C5AR1: variants seen among roughly 807,000 people sequenced by gnomAD.
The protein encoded by C5AR1 is complement C5a receptor 1, also known as C5a anaphylatoxin chemotactic receptor 1.
Under a neutral mutation model 2.4 loss-of-function variants are expected in C5AR1, and 4 were observed. The ratio of observed to expected loss-of-function variants is 1.65; its 90% CI spans 0.81 to 3.77. The LOEUF is 3.77. Ranked by LOEUF, C5AR1 falls within the 30% of genes most tolerant of loss-of-function variation. The probability of loss-of-function intolerance (pLI) is 0.01; values close to 1 mark genes in which losing one functional copy is unlikely to be tolerated. For missense variants in C5AR1, 418 were observed against 462.5 expected (o/e 0.90, Z 0.88); for synonymous variants, 209 against 210.4 (o/e 0.99, Z 0.06).
At chr19:47,319,126 C>T (rs1163284767) in intron 1 of C5AR1, among the ~76,000 whole-genome samples, 1 of 151,264 alleles carries the variant, frequency 6.6e-6, no homozygotes, top group East Asian at 2.0e-4. Context: ...CCTCGTGATC[C>T]ACCCACCTCG....
In C5AR1 at chr19:47,320,892, T is replaced by C; in HGVS notation, c.*62T>C. On this transcript the variant is annotated 3_prime_UTR_variant, in exon 2 of 2. Coordinates refer to ENST00000355085, the MANE Select transcript of C5AR1 (RefSeq NM_001736.4). The surrounding 1 kb of genome is among the most constrained non-coding windows in gnomAD (Gnocchi z 4.9). Reference sequence around the variant, plus strand: ...CTTCCTTCCCGGCCATTCTCCCTCTTGTTTTCACTTCACTTTTCGTGGGAT... The same window carrying C: ...CTTCCTTCCCGGCCATTCTCCCTCTCGTTTTCACTTCACTTTTCGTGGGAT... 2 of 1,438,612 alleles carry C rather than the reference T, an allele frequency of 1.4e-6. No individual in the cohort carries two copies. The highest frequency in any genetic ancestry group is 2.8e-5 in the African/African-American group (2 of 70,526). The allele number at this position is 1,438,612 out of a possible 1,614,324, so 89.1% of individuals were successfully genotyped here.
intron 1 of C5AR1, among the ~76,000 whole-genome samples, chr19:47,316,988 T>C (rs1053203062): frequency 7.1e-6 from 1 of 141,826 alleles, no homozygotes; most frequent in African/African-American, 2.6e-5. Context: ...GACCAGCCTG[T>C]GCAACAAAGC....
Position 47,319,894 on chromosome 19 carries a change from G to A in C5AR1, c.117G>A (p.Leu39=), listed in dbSNP as rs1224947510. 6.2e-7 allele frequency: 1 copy of A among 1,614,236 alleles called. No individual in the cohort carries two copies. The highest frequency in any genetic ancestry group is 8.5e-7 in the Non-Finnish European group (1 of 1,180,032). Residue 39 remains leucine, a synonymous_variant, in exon 2 of 2, where the codon CTG becomes CTA. Transcript: ENST00000355085. The part of the protein sequence containing the change: ...TSNTLRVPDI[L]ALVIFAVVFL... ...ACACGCTGCGTGTTCCAGACATCCT[G>A]GCCTTGGTCATCTTTGCAGTCGTCT...
At chr19:47,309,701 G>C (rs2059264041), upstream of C5AR1, among the ~76,000 whole-genome samples, 1 of 152,176 alleles carries the variant, frequency 6.6e-6, no homozygotes, top group Non-Finnish European at 1.5e-5. Context: ...CTCTGCCTGG[G>C]AGGAGGTGGT....
At chr19:47,317,764 C>T (rs534512519) in intron 1 of C5AR1, among the ~76,000 whole-genome samples, 35 of 151,684 alleles carry the variant, frequency 2.3e-4, no homozygotes, top group African/African-American at 8.0e-4. Flanking sequence ...AGGCAGATCA[C>T]GAGGTCAGGA....
rs1290686748 is a variant in C5AR1, at chr19:47,320,265, T to C, written c.488T>C (p.Leu163Ser). Residue 163 changes from leucine to serine, a missense_variant, in exon 2 of 2, where the codon TTA becomes TCA. Leu to Ser is a moderately radical substitution (Grantham distance 145, BLOSUM62 -2). Coordinates refer to ENST00000355085, the MANE Select transcript of C5AR1 (RefSeq NM_001736.4). The surrounding 1 kb of genome is among the most constrained non-coding windows in gnomAD (Gnocchi z 4.9). The part of the protein sequence containing the change: ...AWIACAVAWG[L>S]ALLLTIPSFL... ...ATCGCCTGTGCCGTGGCTTGGGGTT[T>C]AGCCCTGCTGCTGACCATACCCTCC... 4 of 1,613,596 alleles carry C rather than the reference T, an allele frequency of 2.5e-6. 1 individual carries two copies. In the Admixed American group the frequency reaches 6.7e-5, roughly 27 times the overall value.
chr19:47,309,175 G>A (rs1322151695), upstream of C5AR1, among the ~76,000 whole-genome samples: 2 of 152,196 alleles, frequency 1.3e-5, no homozygotes, highest in East Asian at 1.9e-4. Flanking sequence ...CCGGGAGGCT[G>A]AGTGGAGGTT....
chr19:47,321,913 C>G lies in C5AR1; in HGVS notation c.*1083C>G, dbSNP rs955939576. On this transcript the variant is annotated 3_prime_UTR_variant, in exon 2 of 2. Transcript: ENST00000355085. Reference sequence around the variant, plus strand: ...CCACCCCCACACCCCAGCCGTGTCCCTAACCCCTGGCAACCAGGAATCCAC... The same window carrying G: ...CCACCCCCACACCCCAGCCGTGTCCGTAACCCCTGGCAACCAGGAATCCAC... The G allele has an allele frequency of 2.0e-5, 3 of 152,102 alleles. No homozygotes were observed. The highest frequency in any genetic ancestry group is 7.2e-5 in the African/African-American group (3 of 41,400). 9.4% of individuals were successfully genotyped at this position (152,102 alleles called of 1,614,324 possible). A position where few individuals can be genotyped will look rare whatever the true frequency, so the allele number is the denominator to read the frequency against.
intron 1 of C5AR1, among the ~76,000 whole-genome samples, chr19:47,315,583 G>A (rs559820771): frequency 1.3e-5 from 2 of 152,268 alleles, no homozygotes; most frequent in Admixed American, 6.5e-5. Flanking sequence ...ATGCGTCACA[G>A]CCAAAGGGAA....
At chr19:47,310,481 C>T (rs2059266391) in intron 1 of C5AR1, among the ~76,000 whole-genome samples, 1 of 152,120 alleles carries the variant, frequency 6.6e-6, no homozygotes, top group Non-Finnish European at 1.5e-5. Flanking sequence ...CTCAGATGCT[C>T]TTGCAGATAG....
chr19:47,320,699 C>G lies in C5AR1; in HGVS notation c.922C>G (p.Gln308Glu). 2 of 1,614,180 alleles carry G rather than the reference C, an allele frequency of 1.2e-6. No homozygotes were observed. Among genetic ancestry groups the G allele is most frequent in the Non-Finnish European group, 1.7e-6 (2 of 1,180,038 alleles). ...IIYVVAGQGFQGRLRKSLPSL... is the reference protein window; with the variant it reads ...IIYVVAGQGFEGRLRKSLPSL... Reference sequence around the variant, plus strand: ...CTACGTGGTGGCCGGCCAGGGCTTCCAGGGCCGACTGCGGAAATCCCTCCC... The same window carrying G: ...CTACGTGGTGGCCGGCCAGGGCTTCGAGGGCCGACTGCGGAAATCCCTCCC... The change falls in exon 2 of 2, where the codon CAG (glutamine) becomes GAG (glutamate). Residue 308 changes from glutamine (Q) to glutamate (E), a missense_variant. Transcript: ENST00000355085. This position sits in a 1 kb window ranked among gnomAD's most constrained non-coding sequence, Gnocchi z 4.9.
rs761345278 is a variant in C5AR1 at position 47,320,266 on chromosome 19, A to G, written c.489A>G (p.Leu163=). The G allele has an allele frequency of 1.2e-6, 2 of 1,613,504 alleles. No individual in the cohort carries two copies. Among genetic ancestry groups the G allele is most frequent in the African/African-American group, 1.3e-5 (1 of 74,918 alleles). The change falls in exon 2 of 2, where the codon TTA becomes TTG. Residue 163 remains leucine (L), a synonymous_variant. Transcript: ENST00000355085. This position sits in a 1 kb window ranked among gnomAD's most constrained non-coding sequence, Gnocchi z 4.9. ...TCGCCTGTGCCGTGGCTTGGGGTTTAGCCCTGCTGCTGACCATACCCTCCT... is the reference window on the plus strand; with the variant it reads ...TCGCCTGTGCCGTGGCTTGGGGTTTGGCCCTGCTGCTGACCATACCCTCCT... ...AWIACAVAWG[L]ALLLTIPSFL...
chr19:47,311,665 A>G (rs2059271157), intron 1 of C5AR1, among the ~76,000 whole-genome samples: 1 of 152,086 alleles, frequency 6.6e-6, no homozygotes, highest in Non-Finnish European at 1.5e-5. Flanking sequence ...CGCGGCTTCA[A>G]GCAATTCTCC....
In C5AR1 at chr19:47,320,687, G is replaced by A. The variant is rs201031420; in HGVS notation, c.910G>A (p.Gly304Ser). The stretch of plus-strand genomic sequence containing the variant: ...CAACCCCATCATCTACGTGGTGGCC[G>A]GCCAGGGCTTCCAGGGCCGACTGCG... ...CINPIIYVVA[G>S]QGFQGRLRKS... Residue 304 changes from glycine to serine, a missense_variant, in exon 2 of 2, where the codon GGC becomes AGC. Coordinates refer to ENST00000355085, the MANE Select transcript of C5AR1 (RefSeq NM_001736.4). This position sits in a 1 kb window ranked among gnomAD's most constrained non-coding sequence, Gnocchi z 4.9. 3.5e-5 allele frequency: 57 copies of A among 1,614,044 alleles called. No homozygotes were observed. The highest frequency in any genetic ancestry group is 1.0e-5 in the Non-Finnish European group (12 of 1,180,020).
chr19:47,309,815 C>A (rs2059264303), upstream of C5AR1: 3 of 1,472,834 alleles, frequency 2.0e-6, no homozygotes, highest in Non-Finnish European at 2.8e-6. Flanking sequence ...TTCCTCCCTG[C>A]ATCTTCCCTT....
In C5AR1 at chr19:47,321,030, C is replaced by T; in HGVS notation, c.*200C>T. On this transcript the variant is annotated 3_prime_UTR_variant, in exon 2 of 2. Transcript: ENST00000355085. ...TTCCTCATTTGCAAGGTGAACACTT[C>T]CTTCTAGGGAGCACCCTCCCACCCC... The T allele has an allele frequency of 2.1e-6, 1 of 470,204 alleles. No homozygotes were observed. The highest frequency in any genetic ancestry group is 3.8e-6 in the Non-Finnish European group (1 of 264,256). The allele number at this position is 470,204 out of a possible 1,614,324, so 29.1% of individuals were successfully genotyped here. A position where few individuals can be genotyped will look rare whatever the true frequency, so the allele number is the denominator to read the frequency against.
Position 47,311,164 on chromosome 19 carries a change from CT to C in C5AR1, c.3+1277del, listed in dbSNP as rs935022863. 4.1e-4 allele frequency among the ~76,000 whole-genome samples: 60 copies of C among 147,594 alleles called. 2 individuals carry two copies. The highest frequency in any genetic ancestry group is 1.4e-3 in the Admixed American group (20 of 14,702). On this transcript the variant is annotated intron_variant, in intron 1 of 1. Coordinates refer to ENST00000355085, the MANE Select transcript of C5AR1 (RefSeq NM_001736.4). The stretch of plus-strand genomic sequence containing the variant: ...ACGGGACTCTCTGATTCTTCTTCTT[CT>C]TTTTTTTTTTCTTTCCAAAACATTT...
intron 1 of C5AR1, among the ~76,000 whole-genome samples, chr19:47,317,071 T>C (rs2059291783): frequency 6.7e-6 from 1 of 150,346 alleles, no homozygotes; most frequent in African/African-American, 2.5e-5. Flanking sequence ...TGCACAATTG[T>C]AGTCCTAGCT....
intron 1 of C5AR1, among the ~76,000 whole-genome samples, chr19:47,314,724 C>T (rs1408051613): frequency 4.8e-5 from 7 of 147,274 alleles, no homozygotes; most frequent in South Asian, 2.2e-4. Context: ...GATGGAGTCT[C>T]GCTATGTTGC....
Sources: allele counts gnomAD v4.1 joint callset (sites outside exome capture counted in the v4.1 genomes callset), GRCh38; gene constraint gnomAD v4.1.1; non-coding constraint Gnocchi (gnomAD v3.1); transcripts MANE v1.5; gene names NCBI Gene and HGNC (gene_info 2026-07-23, HGNC 2026-07-21).